Variants in ARHGEF17 observed in about 807,000 individuals in gnomAD.
The protein encoded by ARHGEF17 is 164 kDa Rho-specific guanine-nucleotide exchange factor.
ARHGEF17 carries 80 observed loss-of-function variants against 174.0 expected under a neutral mutation model. The ratio of observed to expected loss-of-function variants is 0.46; its 90% CI spans 0.38 to 0.55. ARHGEF17 has a LOEUF of 0.55. Ranked by LOEUF, ARHGEF17 falls within the 20% of genes least tolerant of loss-of-function variation. The pLI, the probability that ARHGEF17 is intolerant of heterozygous loss-of-function variation, is 0.00. For synonymous variants in ARHGEF17, 1,311 were observed against 1,189.1 expected (o/e 1.10, Z -2.11); for missense variants, 2,886 against 2,839.7 (o/e 1.02, Z -0.37).
At chr11:73,311,924 G>A (rs955607850) in intron 1 of ARHGEF17, 94 bp downstream of exon 1, 6 of 1,388,804 alleles carry the variant, frequency 4.3e-6, no homozygotes. Context: ...TCACTGGTCA[G>A]GTGCCCAGGT....
At chr11:73,347,058 G>C in intron 2 of ARHGEF17, 98 bp downstream of exon 2, 1 of 1,195,756 alleles carries the variant, frequency 8.4e-7, no homozygotes, top group East Asian at 2.5e-5. Flanking sequence ...AAGGGACTGA[G>C]GCCAGAGAGC....
chr11:73,365,955 A>G lies in ARHGEF17; in HGVS notation c.5995+8A>G, dbSNP rs778859101. 13 of 1,595,718 alleles carry G rather than the reference A, an allele frequency of 8.1e-6. No homozygotes were observed. Among genetic ancestry groups the G allele is most frequent in the Non-Finnish European group, 1.1e-5 (13 of 1,175,196 alleles). ...CACCTCCCCCAGACACAGGTGGGTC[A>G]GTGCATCATACCCCAAGCTAGGGAT... On this transcript the variant is annotated splice_region_variant and intron_variant, in intron 20 of 20. Transcript: ENST00000263674. This position sits in a 1 kb window ranked among gnomAD's most constrained non-coding sequence, Gnocchi z 4.9.
At chr11:73,343,687 A>T (rs1314624050) in intron 1 of ARHGEF17, among the ~76,000 whole-genome samples, 1 of 151,790 alleles carries the variant, frequency 6.6e-6, no homozygotes. Flanking sequence ...TGGCCCTTGG[A>T]GGAGTCATGC....
Position 73,365,810 on chromosome 11 carries a change from T to C in ARHGEF17, c.5858T>C (p.Val1953Ala), listed in dbSNP as rs1865828136. ...VLTMPTSPGT[V>A]SCPRAPLSPT... ...ACCATGCCCACTTCGCCCGGTACTG[T>C]CAGCTGCCCACGGGCACCACTCAGT... Residue 1953 changes from valine to alanine, a missense_variant, in exon 20 of 21, where the codon GTC becomes GCC. Val to Ala is a moderately conservative substitution (Grantham distance 64). Coordinates refer to ENST00000263674, the MANE Select transcript of ARHGEF17 (RefSeq NM_014786.4). The surrounding 1 kb of genome is among the most constrained non-coding windows in gnomAD (Gnocchi z 4.9). The C allele has an allele frequency of 6.2e-7, 1 of 1,613,480 alleles. No homozygotes were observed. The highest frequency in any genetic ancestry group is 8.5e-7 in the Non-Finnish European group (1 of 1,180,042).
At chr11:73,360,599 A>ACTGTGACTTCTGTCTGTGACTT in intron 11 of ARHGEF17, 66 bp downstream of exon 11, 3 of 1,542,902 alleles carry the variant, frequency 1.9e-6, no homozygotes, top group Non-Finnish European at 2.7e-6. Context: ...GAGGCATCTC[A>ACTGTGACTTCTGTCTGTGACTT]CAGCTGTCTG....
chr11:73,313,049 G>A (rs1273100902), intron 1 of ARHGEF17, among the ~76,000 whole-genome samples: 1 of 152,174 alleles, frequency 6.6e-6, no homozygotes, highest in Non-Finnish European at 1.5e-5. Context: ...CCCTGACTGT[G>A]TGAGAAGCCT....
rs370888783 is a variant in ARHGEF17, at chr11:73,310,459, C to T, written c.1821C>T (p.Ala607=). The change falls in exon 1 of 21, where the codon GCC becomes GCT. Residue 607 remains alanine, a synonymous_variant. Transcript: ENST00000263674. ...TTGAGAAGATCCAGCGCATGGGTGC[C>T]CAACAAGATGATGGAAGCGATGCCC... ...QVFEKIQRMG[A]QQDDGSDAPP... 1 of 1,613,966 alleles carries T rather than the reference C, an allele frequency of 6.2e-7. No homozygotes were observed. Among genetic ancestry groups the T allele is most frequent in the Non-Finnish European group, 8.5e-7 (1 of 1,180,034 alleles).
intron 2 of ARHGEF17, among the ~76,000 whole-genome samples, chr11:73,349,675 G>A (rs1338409857): frequency 1.3e-5 from 2 of 152,228 alleles, no homozygotes; most frequent in East Asian, 3.8e-4. Flanking sequence ...CCTGTTCACA[G>A]GCAGGAGTCA....
intron 4 of ARHGEF17, 97 bp from the exon 5 acceptor site, chr11:73,355,764 T>G: frequency 6.4e-7 from 1 of 1,573,842 alleles, no homozygotes; most frequent in Non-Finnish European, 8.7e-7. Flanking sequence ...CAGCCTCCGC[T>G]CTCAGGCTGA....
chr11:73,324,090 C>T (rs954306305), intron 1 of ARHGEF17, among the ~76,000 whole-genome samples: 2 of 152,204 alleles, frequency 1.3e-5, no homozygotes, highest in Admixed American at 6.5e-5. Flanking sequence ...CTTAGGAAAA[C>T]GGCCGTGTAG....
chr11:73,328,877 C>T (rs1239496167), intron 1 of ARHGEF17, among the ~76,000 whole-genome samples: 1 of 151,868 alleles, frequency 6.6e-6, no homozygotes. Context: ...AGAGATACTC[C>T]GAGGCCAGGG....
At chr11:73,347,044 G>A in intron 2 of ARHGEF17, 84 bp downstream of exon 2, 4 of 1,313,672 alleles carry the variant, frequency 3.0e-6, no homozygotes, top group Admixed American at 2.0e-5. Flanking sequence ...CCCCTTTCAT[G>A]GACAAGGGAC....
intron 1 of ARHGEF17, among the ~76,000 whole-genome samples, chr11:73,334,456 G>A (rs1053876243): frequency 9.9e-5 from 15 of 152,156 alleles, no homozygotes; most frequent in Non-Finnish European, 1.9e-4. Flanking sequence ...GGTCACACAC[G>A]TAGGCTGCTG....
chr11:73,361,311 G>A, intron 12 of ARHGEF17, 150 bp downstream of exon 12: 2 of 696,856 alleles, frequency 2.9e-6, no homozygotes, highest in African/African-American at 1.8e-5. Flanking sequence ...GTGTGTGGGT[G>A]CTGCATATGT....
chr11:73,341,639 G>A (rs1167012966), intron 1 of ARHGEF17, among the ~76,000 whole-genome samples: 1 of 152,234 alleles, frequency 6.6e-6, no homozygotes, highest in East Asian at 1.9e-4. Context: ...AAAAGAAAAA[G>A]CATTACTAGG....
chr11:73,360,086 C>G, intron 10 of ARHGEF17, 134 bp downstream of exon 10: 1 of 972,098 alleles, frequency 1.0e-6, no homozygotes, highest in Non-Finnish European at 1.5e-6. Context: ...AAAATCGCAG[C>G]CTCCCTGCGT....
chr11:73,315,571 AAGG>A (rs1864915280), intron 1 of ARHGEF17, among the ~76,000 whole-genome samples: 1 of 152,116 alleles, frequency 6.6e-6, no homozygotes, highest in Non-Finnish European at 1.5e-5. Flanking sequence ...TCTGGGGGGA[AAGG>A]AGGAGGTGAT....
rs1454413980 is a variant in ARHGEF17, at chr11:73,362,503, G to A, written c.4765G>A (p.Glu1589Lys). Residue 1589 changes from glutamate to lysine, a missense_variant, in exon 14 of 21, where the codon GAG (glutamate) becomes AAG (lysine). Physicochemically the swap from Glu to Lys is moderately conservative, Grantham distance 56. Transcript: ENST00000263674. The part of the protein sequence containing the change: ...PEPAGPELDV[E>K]AAADEEAATL... Reference sequence around the variant, plus strand: ...GCCCGCCGGGCCGGAGCTGGACGTCGAGGCCGCTGCAGACGAGGAAGCCGC... The same window carrying A: ...GCCCGCCGGGCCGGAGCTGGACGTCAAGGCCGCTGCAGACGAGGAAGCCGC... The A allele has an allele frequency of 3.7e-6, 6 of 1,602,440 alleles. No homozygotes were observed. The highest frequency in any genetic ancestry group is 1.8e-4 in the Middle Eastern group (1 of 5,604).
chr11:73,324,004 C>T (rs1865061454), intron 1 of ARHGEF17, among the ~76,000 whole-genome samples: 1 of 152,226 alleles, frequency 6.6e-6, no homozygotes, highest in East Asian at 1.9e-4. Flanking sequence ...CTTCCTGTCT[C>T]TCATCTCCTC....
Sources: gnomAD v4.1 joint callset for allele counts (sites outside exome capture counted in the v4.1 genomes callset) on GRCh38, gnomAD v4.1.1 for gene constraint, Gnocchi (gnomAD v3.1) non-coding constraint, MANE v1.5 for transcripts, NCBI Gene and HGNC (gene_info 2026-07-23, HGNC 2026-07-21) for gene names.